The following YY1AP1 variants were observed in gnomAD, a reference collection of about 807,000 sequenced individuals.
The protein encoded by YY1AP1 is YY1 associated protein 1.
Under a neutral mutation model 39.9 loss-of-function variants are expected in YY1AP1, and 43 were observed. The observed-to-expected ratio is 1.08, with a 90% CI of 0.84 to 1.39. The LOEUF (loss-of-function observed/expected upper bound fraction) is 1.39. YY1AP1 is among the 40% of genes most tolerant of loss of function. The pLI, the probability that YY1AP1 is intolerant of heterozygous loss-of-function variation, is 0.00. For missense variants in YY1AP1, 813 were observed against 900.7 expected (o/e 0.90, Z 1.25); for synonymous variants, 292 against 331.3 (o/e 0.88, Z 1.29).
At chr1:155,680,067 C>T in intron 3 of YY1AP1, 1 of 242,366 alleles carries the variant, frequency 4.1e-6, no homozygotes, top group Non-Finnish European at 8.0e-6. Flanking sequence ...GTCCCAGCTA[C>T]TCAGGAGGCT....
intron 1 of YY1AP1, 95 bp from the exon 2 acceptor site, chr1:155,688,296 C>A: frequency 6.4e-7 from 1 of 1,571,314 alleles, no homozygotes; most frequent in South Asian, 1.2e-5. Context: ...GGGATCGTTT[C>A]CCCTCGCAAA....
At chr1:155,670,884 G>T (rs1460342567) in intron 7 of YY1AP1, 1 of 198,200 alleles carries the variant, frequency 5.0e-6, no homozygotes, top group Non-Finnish European at 1.0e-5. Flanking sequence ...CTGTAGACAG[G>T]ATGGTCTTGA....
At chr1:155,664,768 AT>A (rs576047659) in intron 9 of YY1AP1, among the ~76,000 whole-genome samples, 34,965 of 137,780 alleles carry the variant, frequency 0.25, 4,860 homozygotes, top group East Asian at 0.68. Context: ...ATGAATGGAG[AT>A]TTTTTTTTTT....
At chr1:155,683,716 C>T (rs1651835083) in intron 2 of YY1AP1, among the ~76,000 whole-genome samples, 1 of 151,998 alleles carries the variant, frequency 6.6e-6, no homozygotes, top group South Asian at 2.1e-4. Context: ...TACTGATCAG[C>T]TTTAAAAAGA....
At chr1:155,684,195 G>A (rs1012942848) in intron 2 of YY1AP1, among the ~76,000 whole-genome samples, 2 of 152,080 alleles carry the variant, frequency 1.3e-5, no homozygotes, top group African/African-American at 4.8e-5. Context: ...TTGCAGTGAG[G>A]CAAGATTGTG....
rs1418457518 is a variant in YY1AP1, at chr1:155,669,616, G to A, written c.728+704C>T. On this transcript the variant is annotated intron_variant, in intron 8 of 10. Transcript: ENST00000355499. ...ATATAAAATGAATAATAGGTACCCC[G>A]TCAGACAAATTAAACTGGCACCAAT... 7.2e-5 allele frequency among the ~76,000 whole-genome samples: 11 copies of A among 152,108 alleles called. No individual in the cohort carries two copies. The East Asian group carries it at 1.5e-3, about 21-fold the overall frequency.
rs143518160 is a variant in YY1AP1 at position 155,659,660 on chromosome 1, A to G, written c.2250T>C (p.Leu750=). 3.1e-4 allele frequency: 503 copies of G among 1,614,122 alleles called. 1 individual carries two copies. The African/African-American group carries it at 5.8e-3, about 19-fold the overall frequency. The change falls in exon 11 of 11, where the codon CTT becomes CTC. Residue 750 remains leucine, a synonymous_variant. Coordinates refer to ENST00000355499, the MANE Select transcript of YY1AP1 (RefSeq NM_139119.3). ...TCCAGACTCTTATTCTCCTAGCTCA[A>G]AGAAATCCACTGATTTCCTCTGTAG... is the stretch of plus-strand genomic sequence containing the variant. ...EDATEEISGF[L] is the part of the protein sequence containing the mutation.
At chr1:155,660,999 A>T in intron 10 of YY1AP1, 86 bp from the exon 11 acceptor site, 2 of 1,601,390 alleles carry the variant, frequency 1.2e-6, no homozygotes, top group South Asian at 2.2e-5. Flanking sequence ...GACCTGAGAC[A>T]AGCTCAAGGC....
intron 8 of YY1AP1, among the ~76,000 whole-genome samples, chr1:155,669,009 A>G (rs1227939124): frequency 1.3e-5 from 2 of 152,000 alleles, no homozygotes; most frequent in Non-Finnish European, 2.9e-5. Flanking sequence ...GATTACAGGC[A>G]TGAGCCCATG....
At chr1:155,675,614 G>A (rs1207680600) in intron 5 of YY1AP1, among the ~76,000 whole-genome samples, 2 of 151,876 alleles carry the variant, frequency 1.3e-5, no homozygotes, top group African/African-American at 2.4e-5. Context: ...GTGAGCCACT[G>A]TGCCCAGCCT....
At chr1:155,684,451 T>C (rs1651939603) in intron 2 of YY1AP1, among the ~76,000 whole-genome samples, 1 of 152,190 alleles carries the variant, frequency 6.6e-6, no homozygotes, top group Non-Finnish European at 1.5e-5. Flanking sequence ...CATAGCATTC[T>C]TATACAGGGG....
intron 9 of YY1AP1, among the ~76,000 whole-genome samples, chr1:155,664,918 C>T (rs538690101): frequency 6.6e-6 from 1 of 151,504 alleles, no homozygotes; most frequent in Non-Finnish European, 1.5e-5. Flanking sequence ...TACAGACGCC[C>T]GCCACCACAC....
Position 155,688,762 on chromosome 1 carries a change from A to ACC in YY1AP1, c.-257_-256dup, listed in dbSNP as rs535731792. On this transcript the variant is annotated 5_prime_UTR_variant, in exon 1 of 11. Coordinates refer to ENST00000355499, the MANE Select transcript of YY1AP1 (RefSeq NM_139119.3). ...CGCCGCCAAAGCAGCCGCCGCCAGC[A>ACC]CCCCCACCCTACACTCCTCGCGCGT... 2.0e-3 allele frequency: 3,042 copies of ACC among 1,521,054 alleles called. 4 individuals are homozygous for ACC. Among genetic ancestry groups the ACC allele is most frequent in the Non-Finnish European group, 2.4e-3 (2,725 of 1,139,148 alleles). 94.2% of individuals were successfully genotyped at this position (1,521,054 alleles called of 1,614,324 possible). A position where few individuals can be genotyped will look rare whatever the true frequency, so the allele number is the denominator to read the frequency against.
chr1:155,685,374 A>G lies in YY1AP1; in HGVS notation c.-21+2697T>C, dbSNP rs577883382. 2.0e-5 allele frequency among the ~76,000 whole-genome samples: 3 copies of G among 152,334 alleles called. No individual in the cohort carries two copies. In the East Asian group the frequency reaches 5.8e-4, roughly 29 times the overall value. ...CTTCAAGCACAGAGACCATATATTA[A>G]TTATCTTTGTGTCTCCTGCATAGGA... On this transcript the variant is annotated intron_variant, in intron 2 of 10. Coordinates refer to ENST00000355499, the MANE Select transcript of YY1AP1 (RefSeq NM_139119.3).
At chr1:155,668,858 A>G (rs1464744087) in intron 8 of YY1AP1, 81 bp from the exon 9 acceptor site, 2 of 1,600,194 alleles carry the variant, frequency 1.2e-6, no homozygotes, top group East Asian at 2.2e-5. Flanking sequence ...ACATTTTACA[A>G]TCTACTTTTT....
chr1:155,688,752 C>A lies in YY1AP1; in HGVS notation c.-245G>T, dbSNP rs1653155567. On this transcript the variant is annotated 5_prime_UTR_variant, in exon 1 of 11. Transcript: ENST00000355499. The stretch of plus-strand genomic sequence containing the variant: ...GGCCACCAACCGCCGCCAAAGCAGC[C>A]GCCGCCAGCACCCCCACCCTACACT... 3.3e-6 allele frequency: 5 copies of A among 1,519,758 alleles called. No homozygotes were observed. The East Asian group carries it at 7.3e-5, about 22-fold the overall frequency. 94.1% of individuals were successfully genotyped at this position (1,519,758 alleles called of 1,614,324 possible).
chr1:155,664,125 GA>G (rs749401754), intron 9 of YY1AP1, among the ~76,000 whole-genome samples: 289 of 129,398 alleles, frequency 2.2e-3, no homozygotes, highest in South Asian at 5.4e-3. Context: ...CCCTGTCTCG[GA>G]AAAAAAAAAA....
chr1:155,675,220 G>C (rs539517968), intron 5 of YY1AP1, 124 bp from the exon 6 acceptor site: 35 of 808,616 alleles, frequency 4.3e-5, no homozygotes, highest in Non-Finnish European at 6.6e-5. Context: ...GAGTGCAGTG[G>C]TGCAACCATG....
chr1:155,669,724 C>T (rs992879238), intron 8 of YY1AP1, among the ~76,000 whole-genome samples: 6 of 152,126 alleles, frequency 3.9e-5, no homozygotes, highest in African/African-American at 1.4e-4. Flanking sequence ...ACACAAAGGG[C>T]CATAAAAATG....
Sources: gnomAD v4.1 joint callset for allele counts (sites outside exome capture counted in the v4.1 genomes callset) on GRCh38, gnomAD v4.1.1 for gene constraint, MANE v1.5 for transcripts, NCBI Gene and HGNC (gene_info 2026-07-23, HGNC 2026-07-21) for gene names.